Variants in RIT2 observed in about 807,000 individuals in gnomAD.
The protein encoded by RIT2 is Ras like without CAAX 2, also known as GTP-binding protein Rit2.
A neutral mutation model predicts 23.7 loss-of-function variants in RIT2; 24 were observed. The observed-to-expected ratio is 1.01, with a 90% CI of 0.73 to 1.43. RIT2 has a LOEUF of 1.43. RIT2 is among the 40% of genes most tolerant of loss of function. The pLI, the probability that RIT2 is intolerant of heterozygous loss-of-function variation, is 0.00. For missense variants in RIT2, 236 were observed against 266.9 expected (o/e 0.88, Z 0.81); for synonymous variants, 107 against 91.1 (o/e 1.17, Z -0.99).
At position 43,088,800 on chromosome 18, in the gene RIT2, T is replaced by C. The variant is rs116039138; in HGVS notation, c.103+26617A>G. 4.5e-3 allele frequency among the ~76,000 whole-genome samples: 691 copies of C among 152,216 alleles called. 6 individuals are homozygous for C. Among genetic ancestry groups the C allele is most frequent in the African/African-American group, 0.016 (662 of 41,552 alleles). ...TAGCTACCAACCAAGGGGGACCTTA[T>C]TGGAACATATCTATGTTCAATGTTC... On this transcript the variant is annotated intron_variant, in intron 1 of 4. Transcript: ENST00000326695.
chr18:42,894,133 C>T (rs2144098041), intron 4 of RIT2, among the ~76,000 whole-genome samples: 1 of 152,302 alleles, frequency 6.6e-6, no homozygotes, highest in South Asian at 2.1e-4. Flanking sequence ...CTCCTGTCAC[C>T]TCCCTATATA....
At chr18:42,937,923 G>C (rs1389449265) in intron 3 of RIT2, among the ~76,000 whole-genome samples, 1 of 152,126 alleles carries the variant, frequency 6.6e-6, no homozygotes, top group African/African-American at 2.4e-5. Context: ...GCAAATGTAA[G>C]GTAGGGTCAA....
At chr18:43,093,896 C>G (rs1029493135) in intron 1 of RIT2, among the ~76,000 whole-genome samples, 31 of 151,984 alleles carry the variant, frequency 2.0e-4, no homozygotes, top group African/African-American at 7.2e-4. Context: ...GATGAGCTAC[C>G]AAGGTTTGGA....
At chr18:42,940,749 A>T (rs973829587) in intron 3 of RIT2, among the ~76,000 whole-genome samples, 5 of 152,148 alleles carry the variant, frequency 3.3e-5, no homozygotes, top group Non-Finnish European at 7.3e-5. Flanking sequence ...AAGCTCAGGA[A>T]CATTCAGTAT....
At chr18:43,056,989 A>G (rs1321843417) in intron 1 of RIT2, among the ~76,000 whole-genome samples, 1 of 137,958 alleles carries the variant, frequency 7.2e-6, no homozygotes, top group Non-Finnish European at 1.5e-5. Context: ...TCTGGAAAAA[A>G]TGAAATTCCT....
intron 3 of RIT2, among the ~76,000 whole-genome samples, chr18:42,947,903 T>A (rs1313516808): frequency 1.3e-5 from 2 of 152,270 alleles, no homozygotes. Flanking sequence ...TACTTTAAGA[T>A]ATATTTTATC....
chr18:42,857,901 C>T (rs1273447664), intron 4 of RIT2, among the ~76,000 whole-genome samples: 1 of 152,198 alleles, frequency 6.6e-6, no homozygotes, highest in Non-Finnish European at 1.5e-5. Context: ...CATTTGCAGG[C>T]TGTGCACGGT....
rs557916497 is a variant in RIT2, at chr18:42,813,740, C to T, written c.427-70020G>A. ...GATCTAGACTAGATTGCAGCTCTGA[C>T]TCAGGCGGACAGAGCAGCATGTGGA... is the stretch of plus-strand genomic sequence containing the variant. On this transcript the variant is annotated intron_variant, in intron 4 of 4. Coordinates refer to ENST00000326695, the MANE Select transcript of RIT2 (RefSeq NM_002930.4). Among the ~76,000 whole-genome samples, 25 of 152,266 alleles carry T rather than the reference C, an allele frequency of 1.6e-4. 1 individual carries two copies. In the South Asian group the frequency reaches 4.1e-3, roughly 25 times the overall value.
At chr18:42,803,410 T>C (rs962734501) in intron 4 of RIT2, among the ~76,000 whole-genome samples, 20 of 152,214 alleles carry the variant, frequency 1.3e-4, no homozygotes, top group Admixed American at 9.8e-4. Flanking sequence ...TGATTTGATA[T>C]TGTTTGTCAC....
Position 42,920,857 on chromosome 18 carries a change from C to T in RIT2, c.426+2715G>A. On this transcript the variant is annotated intron_variant, in intron 4 of 4. Coordinates refer to ENST00000326695, the MANE Select transcript of RIT2 (RefSeq NM_002930.4). ...TGTAATTTCACCGTTGAGAGTTTAA[C>T]TTTATCACTCTAGGAATTCTCAGAG... The T allele has an allele frequency of 4.9e-6, 4 of 819,038 alleles. No homozygotes were observed. The Admixed American group carries it at 7.7e-5, about 16-fold the overall frequency. The allele number at this position is 819,038 out of a possible 1,614,324, so 50.7% of individuals were successfully genotyped here.
chr18:43,089,675 T>C (rs920000055), intron 1 of RIT2, among the ~76,000 whole-genome samples: 2 of 151,846 alleles, frequency 1.3e-5, no homozygotes, highest in East Asian at 3.9e-4. Context: ...AGATTGGCAC[T>C]GGTACAAAAG....
At chr18:42,801,966 C>T (rs1905551548) in intron 4 of RIT2, among the ~76,000 whole-genome samples, 1 of 152,176 alleles carries the variant, frequency 6.6e-6, no homozygotes, top group Non-Finnish European at 1.5e-5. Flanking sequence ...TGCCAGGAGT[C>T]ATGGGACTTT....
At chr18:42,909,174 A>G (rs1908702002) in intron 4 of RIT2, among the ~76,000 whole-genome samples, 1 of 152,156 alleles carries the variant, frequency 6.6e-6, no homozygotes, top group South Asian at 2.1e-4. Flanking sequence ...TTTTGCAGCA[A>G]CTTGGACAGA....
chr18:42,793,044 TGTTAACCTAGA>T (rs1051833022), intron 4 of RIT2, among the ~76,000 whole-genome samples: 15 of 147,450 alleles, frequency 1.0e-4, no homozygotes, highest in Non-Finnish European at 1.8e-4. Flanking sequence ...GCACTCTCAC[TGTTAACCTAGA>T]GCCCTCAAAA....
chr18:42,862,532 G>A (rs1907356789), intron 4 of RIT2, among the ~76,000 whole-genome samples: 1 of 152,038 alleles, frequency 6.6e-6, no homozygotes, highest in Admixed American at 6.6e-5. Flanking sequence ...ATTGCATTGT[G>A]GTAAATATTA....
At chr18:42,779,084 A>T (rs1022901213) in intron 4 of RIT2, among the ~76,000 whole-genome samples, 2 of 152,222 alleles carry the variant, frequency 1.3e-5, no homozygotes, top group African/African-American at 4.8e-5. Context: ...TTTAGTGAAG[A>T]TACCATGATT....
chr18:42,909,527 C>G (rs750804235), intron 4 of RIT2, among the ~76,000 whole-genome samples: 1 of 152,034 alleles, frequency 6.6e-6, no homozygotes, highest in Non-Finnish European at 1.5e-5. Context: ...AATCAAATCA[C>G]CCTAATACAA....
intron 3 of RIT2, among the ~76,000 whole-genome samples, chr18:42,959,417 A>G (rs1598730329): frequency 6.6e-6 from 1 of 152,216 alleles, no homozygotes; most frequent in East Asian, 1.9e-4. Context: ...CAAGTACTAT[A>G]CTATCACTCT....
intron 1 of RIT2, among the ~76,000 whole-genome samples, chr18:43,043,302 C>T (rs1453566802): frequency 7.2e-5 from 11 of 152,100 alleles, no homozygotes. Context: ...CATAGGACCC[C>T]AAAGCCAGAC....
Sources: gnomAD v4.1 joint callset for allele counts (sites outside exome capture counted in the v4.1 genomes callset) on GRCh38, gnomAD v4.1.1 for gene constraint, MANE v1.5 for transcripts, NCBI Gene and HGNC (gene_info 2026-07-23, HGNC 2026-07-21) for gene names.